Variants in DLGAP2 observed in about 807,000 individuals in gnomAD.
DLGAP2 encodes the protein DLG associated protein 2.
Under a neutral mutation model 100.3 loss-of-function variants are expected in DLGAP2, and 26 were observed. The ratio of observed to expected loss-of-function variants is 0.26; its 90% confidence interval spans 0.19 to 0.36. The LOEUF is 0.36. Ranked by LOEUF, DLGAP2 falls within the 10% of genes least tolerant of loss-of-function variation. DLGAP2 has a pLI of 1.00. For synonymous variants in DLGAP2, 886 were observed against 630.1 expected, an observed-to-expected ratio of 1.41 and a Z score of -6.08; for missense variants, 1,858 against 1,453.2, an observed-to-expected ratio of 1.28 and a Z score of -4.53.
intron 1 of DLGAP2, among the ~76,000 whole-genome samples, chr8:773,707 A>T: frequency 6.6e-6 from 1 of 152,004 alleles, no homozygotes; most frequent in Non-Finnish European, 1.5e-5. Flanking sequence ...ATAGTATTCC[A>T]TGGTGTATAT....
chr8:951,191 A>G (rs1030528401), intron 2 of DLGAP2, among the ~76,000 whole-genome samples: 5 of 152,182 alleles, frequency 3.3e-5, no homozygotes, highest in African/African-American at 4.8e-5. Context: ...TACTTCAATT[A>G]TAGGATATCT....
chr8:1,222,345 G>A (rs1253955514), intron 2 of DLGAP2, among the ~76,000 whole-genome samples: 1 of 152,120 alleles, frequency 6.6e-6, no homozygotes. Flanking sequence ...AGATTTCAAG[G>A]GATAAAGGCT....
At chr8:1,285,736 A>G (rs898000847) in intron 3 of DLGAP2, among the ~76,000 whole-genome samples, 1 of 152,218 alleles carries the variant, frequency 6.6e-6, no homozygotes, top group Non-Finnish European at 1.5e-5. Context: ...TAGTAGGCTG[A>G]CACAGGAGGA....
chr8:1,460,700 G>C (rs1272335871), intron 3 of DLGAP2, among the ~76,000 whole-genome samples: 1 of 152,210 alleles, frequency 6.6e-6, no homozygotes, highest in Non-Finnish European at 1.5e-5. Flanking sequence ...CAACTTTAAA[G>C]AGATAACTCA....
intron 2 of DLGAP2, among the ~76,000 whole-genome samples, chr8:1,085,963 A>G (rs1803961475): frequency 6.6e-6 from 1 of 152,118 alleles, no homozygotes; most frequent in Non-Finnish European, 1.5e-5. Flanking sequence ...GTTTTTAGTT[A>G]TGGTTCTTTT....
chr8:1,176,089 A>G (rs1451583345), intron 2 of DLGAP2, among the ~76,000 whole-genome samples: 2 of 152,192 alleles, frequency 1.3e-5, no homozygotes, highest in Admixed American at 1.3e-4. Flanking sequence ...TAATTTATAA[A>G]CAAAAGAGGT....
At chr8:1,283,282 G>A in intron 3 of DLGAP2, among the ~76,000 whole-genome samples, 1 of 151,764 alleles carries the variant, frequency 6.6e-6, no homozygotes, top group East Asian at 1.9e-4. Context: ...TCCGGACGTG[G>A]TGCGACCTGA....
intron 1 of DLGAP2, among the ~76,000 whole-genome samples, chr8:832,156 T>C (rs962725984): frequency 6.6e-6 from 1 of 152,234 alleles, no homozygotes; most frequent in Non-Finnish European, 1.5e-5. Flanking sequence ...TCTCACATTC[T>C]GTAGGTTGCC....
intron 2 of DLGAP2, among the ~76,000 whole-genome samples, chr8:1,212,604 CGTG>C (rs933733154): frequency 8.6e-5 from 13 of 151,996 alleles, no homozygotes; most frequent in African/African-American, 3.1e-4. Context: ...AGGAGGCAGA[CGTG>C]GTCATCAAGG....
In DLGAP2 at chr8:1,587,969, G is replaced by A. The variant is rs1342012349; in HGVS notation, c.1442+22075G>A. ...ATGAGCTACTTTTCTGAGTTTTCCT[G>A]TAACTGTGACACGTGCATTCCTGCC... On this transcript the variant is annotated intron_variant, in intron 6 of 14. Coordinates refer to ENST00000637795, the MANE Select transcript of DLGAP2 (RefSeq NM_001346810.2). Among the ~76,000 whole-genome samples the A allele has an allele frequency of 3.3e-5, 5 of 152,150 alleles. No homozygotes were observed. In the East Asian group the frequency reaches 7.7e-4, roughly 23 times the overall value.
At chr8:1,657,812 T>C (rs1237949329) in intron 8 of DLGAP2, among the ~76,000 whole-genome samples, 1 of 152,172 alleles carries the variant, frequency 6.6e-6, no homozygotes, top group Non-Finnish European at 1.5e-5. Flanking sequence ...ATATTGCCAA[T>C]ATAAGGAAAA....
At chr8:1,585,157 C>A (rs1796077106) in intron 6 of DLGAP2, among the ~76,000 whole-genome samples, 1 of 152,102 alleles carries the variant, frequency 6.6e-6, no homozygotes, top group Non-Finnish European at 1.5e-5. Flanking sequence ...AAGACTGGCG[C>A]CTGGTTTGTT....
At chr8:957,553 C>T (rs911097064) in intron 2 of DLGAP2, among the ~76,000 whole-genome samples, 3 of 152,200 alleles carry the variant, frequency 2.0e-5, no homozygotes, top group African/African-American at 4.8e-5. Flanking sequence ...CCGTTAGAAA[C>T]GGGCAGCAGT....
chr8:1,010,349 A>G (rs572583163), intron 2 of DLGAP2, among the ~76,000 whole-genome samples: 1 of 152,220 alleles, frequency 6.6e-6, no homozygotes, highest in African/African-American at 2.4e-5. Flanking sequence ...ATGCACACAC[A>G]TGCACACACG....
intron 7 of DLGAP2, among the ~76,000 whole-genome samples, chr8:1,627,323 G>A (rs367668141): frequency 1.2e-4 from 19 of 152,102 alleles, no homozygotes; most frequent in South Asian, 4.1e-4. Context: ...GAGTCCTGCC[G>A]GTCGGCCCCA....
In DLGAP2 at chr8:1,445,217, TC is replaced by T. The variant is rs1426998204; in HGVS notation, c.107-56147del. ...CTCGTCATTTAGCATTAGGTATATC[TC>T]CTAATGCTATCCCTCCCCCCTCCCC... On this transcript the variant is annotated intron_variant, in intron 3 of 14. Transcript: ENST00000637795. Among the ~76,000 whole-genome samples, 4 of 147,242 alleles carry T rather than the reference TC, an allele frequency of 2.7e-5. No individual in the cohort carries two copies. The South Asian group carries it at 6.9e-4, about 25-fold the overall frequency.
intron 3 of DLGAP2, among the ~76,000 whole-genome samples, chr8:1,390,541 G>A (rs1298916372): frequency 6.6e-6 from 1 of 152,026 alleles, no homozygotes; most frequent in South Asian, 2.1e-4. Context: ...ACAATCTGTC[G>A]AGCTGTGTGC....
chr8:1,155,725 CGCGCGGGCT>C (rs971429814), intron 2 of DLGAP2, among the ~76,000 whole-genome samples: 2 of 152,190 alleles, frequency 1.3e-5, no homozygotes, highest in African/African-American at 4.8e-5. Context: ...CTTCCCCGTC[CGCGCGGGCT>C]GCGTCCCTGG....
At chr8:1,674,858 G>A (rs1472895932) in intron 10 of DLGAP2, among the ~76,000 whole-genome samples, 2 of 152,188 alleles carry the variant, frequency 1.3e-5, no homozygotes, top group Non-Finnish European at 2.9e-5. Context: ...CTTAAAACAC[G>A]AGGCAGCTCC....
Sources: gnomAD v4.1 joint callset for allele counts (sites outside exome capture counted in the v4.1 genomes callset) on GRCh38, gnomAD v4.1.1 for gene constraint, MANE v1.5 for transcripts, NCBI Gene and HGNC (gene_info 2026-07-23, HGNC 2026-07-21) for gene names.